Variants in ASIC2 observed in about 807,000 individuals in gnomAD.
The protein encoded by ASIC2 is acid-sensing ion channel 2.
In ASIC2, 25 loss-of-function variants were observed where a neutral mutation model predicts 57.3. The observed-to-expected ratio is 0.44, with a 90% CI of 0.32 to 0.61. ASIC2 has a LOEUF of 0.61. Among genes scored for constraint, ASIC2 ranks in the 20% least tolerant of loss-of-function variants. The pLI, the probability that ASIC2 is intolerant of heterozygous loss-of-function variation, is 0.06. For missense variants in ASIC2, 641 were observed against 738.1 expected (o/e 0.87, Z 1.52); for synonymous variants, 319 against 307.5 (o/e 1.04, Z -0.39).
intron 1 of ASIC2, among the ~76,000 whole-genome samples, chr17:33,719,561 T>C (rs1285608262): frequency 6.6e-6 from 1 of 152,218 alleles, no homozygotes; most frequent in African/African-American, 2.4e-5. Flanking sequence ...GCTAGAAACA[T>C]TGTCATAATA....
At chr17:33,322,533 A>G (rs938866785) in intron 1 of ASIC2, among the ~76,000 whole-genome samples, 3 of 152,218 alleles carry the variant, frequency 2.0e-5, no homozygotes, top group Admixed American at 6.5e-5. Flanking sequence ...TCTGCCTTCA[A>G]TAAACTTAAC....
intron 1 of ASIC2, among the ~76,000 whole-genome samples, chr17:33,648,626 T>C (rs1269988496): frequency 6.6e-6 from 1 of 152,172 alleles, no homozygotes; most frequent in African/African-American, 2.4e-5. Flanking sequence ...AACTCTAGGG[T>C]CTCTATTTGT....
chr17:33,367,604 CA>C (rs1908864625), intron 1 of ASIC2, among the ~76,000 whole-genome samples: 1 of 152,208 alleles, frequency 6.6e-6, no homozygotes, highest in Non-Finnish European at 1.5e-5. Flanking sequence ...CAGGGGTACT[CA>C]CTCTTTTTTT....
At chr17:34,046,577 T>A (rs562686683) in intron 1 of ASIC2, among the ~76,000 whole-genome samples, 9 of 152,306 alleles carry the variant, frequency 5.9e-5, no homozygotes, top group African/African-American at 2.2e-4. Context: ...GTAAGATTTT[T>A]ATCCATAAAT....
At chr17:33,293,540 T>C (rs545207838), upstream of ASIC2, among the ~76,000 whole-genome samples, 14 of 152,150 alleles carry the variant, frequency 9.2e-5, no homozygotes, top group African/African-American at 3.1e-4. Flanking sequence ...GTATAACCAT[T>C]GTGCTGATGT....
At chr17:33,596,343 A>G (rs1904978688) in intron 1 of ASIC2, among the ~76,000 whole-genome samples, 1 of 152,246 alleles carries the variant, frequency 6.6e-6, no homozygotes, top group South Asian at 2.1e-4. Flanking sequence ...ACTCCCAGGA[A>G]AATGATGGTA....
At chr17:33,579,656 G>A (rs1904338512) in intron 1 of ASIC2, among the ~76,000 whole-genome samples, 1 of 151,874 alleles carries the variant, frequency 6.6e-6, no homozygotes, top group Non-Finnish European at 1.5e-5. Context: ...CCTTCTGGTG[G>A]GCTCCTGGTC....
Position 33,737,109 on chromosome 17 carries a change from G to C in ASIC2, c.555+418869C>G, listed in dbSNP as rs533589066. ...TGGTAGACACTGACATTGTTTCCAA[G>C]TTTTTGCTAATACAAAAATGCTGCA... On this transcript the variant is annotated intron_variant, in intron 1 of 9. Transcript: ENST00000359872. Among the ~76,000 whole-genome samples, 7 of 152,342 alleles carry C rather than the reference G, an allele frequency of 4.6e-5. No individual in the cohort carries two copies. In the East Asian group the frequency reaches 1.3e-3, roughly 29 times the overall value.
At chr17:33,861,032 G>A (rs979264629) in intron 1 of ASIC2, among the ~76,000 whole-genome samples, 4 of 152,198 alleles carry the variant, frequency 2.6e-5, no homozygotes, top group Non-Finnish European at 4.4e-5. Flanking sequence ...CTGTCAATAT[G>A]TATCCAGAGT....
intron 1 of ASIC2, among the ~76,000 whole-genome samples, chr17:34,078,554 T>C (rs554725295): frequency 7.2e-5 from 11 of 152,112 alleles, no homozygotes; most frequent in African/African-American, 2.7e-4. Flanking sequence ...CTCCCTTCCC[T>C]AGCACCCCCG....
At position 33,168,403 on chromosome 17, in the gene ASIC2, AGATTCT is replaced by A. The variant is rs533670438; in HGVS notation, c.709-56342_709-56337del. On this transcript the variant is annotated intron_variant, in intron 1 of 9. Coordinates refer to ENST00000225823, the MANE Select transcript of ASIC2 (RefSeq NM_183377.2). ...ATTGCTATAAAAGGAGCAGTAAGGA[AGATTCT>A]GGTGAGGCCCCAGAAGAGAGGAGCT... Among the ~76,000 whole-genome samples, 1,245 of 152,338 alleles carry A rather than the reference AGATTCT, an allele frequency of 8.2e-3. 12 individuals carry two copies. The highest frequency in any genetic ancestry group is 0.012 in the Non-Finnish European group (848 of 68,022).
intron 1 of ASIC2, among the ~76,000 whole-genome samples, chr17:33,436,559 A>G (rs985103579): frequency 3.3e-5 from 5 of 152,008 alleles, no homozygotes; most frequent in Non-Finnish European, 5.9e-5. Context: ...CCACACCCCA[A>G]TGATTTCATC....
intron 1 of ASIC2, among the ~76,000 whole-genome samples, chr17:33,578,961 T>C (rs1202382902): frequency 6.6e-6 from 1 of 152,084 alleles, no homozygotes; most frequent in Non-Finnish European, 1.5e-5. Flanking sequence ...CCTCACCTGG[T>C]CCTAGGGAGC....
intron 1 of ASIC2, among the ~76,000 whole-genome samples, chr17:33,179,577 T>C (rs1446592423): frequency 2.0e-5 from 3 of 152,300 alleles, no homozygotes; most frequent in African/African-American, 4.8e-5. Context: ...GAACAGACTT[T>C]TATTGCATCT....
At chr17:33,943,869 A>G (rs1379961153) in intron 1 of ASIC2, among the ~76,000 whole-genome samples, 1 of 152,066 alleles carries the variant, frequency 6.6e-6, no homozygotes, top group East Asian at 1.9e-4. Context: ...AGAAGCTGAG[A>G]TTCAGGGAGT....
intron 1 of ASIC2, among the ~76,000 whole-genome samples, chr17:34,078,689 GTT>G (rs1414558719): frequency 6.6e-6 from 1 of 152,114 alleles, no homozygotes; most frequent in East Asian, 1.9e-4. Flanking sequence ...CACTTTCTGT[GTT>G]TCTCACCCGT....
chr17:33,244,508 T>C lies in ASIC2; in HGVS notation c.708+46900A>G, dbSNP rs75552389. 9.8e-3 allele frequency among the ~76,000 whole-genome samples: 1,491 copies of C among 152,348 alleles called. 53 individuals are homozygous for C. The East Asian group carries it at 0.12, about 13-fold the overall frequency. On this transcript the variant is annotated intron_variant, in intron 1 of 9. Coordinates refer to ENST00000225823, the MANE Select transcript of ASIC2 (RefSeq NM_183377.2). Reference sequence around the variant, plus strand: ...AGATATAACTTTCATGATTTCTATTTTCCATGCAGATGTTTGACTAAAATG... The same window carrying C: ...AGATATAACTTTCATGATTTCTATTCTCCATGCAGATGTTTGACTAAAATG...
rs138029088 is a variant in ASIC2, at chr17:33,827,433, G to A, written c.555+328545C>T. Reference sequence around the variant, plus strand: ...TGCAAGCTCTGCCTCCCAGGTTCACGCCGTTCTCCTGCCTCAGCCTCCCAA... The same window carrying A: ...TGCAAGCTCTGCCTCCCAGGTTCACACCGTTCTCCTGCCTCAGCCTCCCAA... On this transcript the variant is annotated intron_variant, in intron 1 of 9. Coordinates refer to the ASIC2 transcript ENST00000359872. 8.5e-3 allele frequency among the ~76,000 whole-genome samples: 1,225 copies of A among 144,404 alleles called. 9 individuals are homozygous for A. The highest frequency in any genetic ancestry group is 0.012 in the Non-Finnish European group (791 of 66,714). 94.7% of individuals were successfully genotyped at this position (144,404 alleles called of 152,430 possible).
At chr17:33,216,198 T>C (rs1907481235) in intron 1 of ASIC2, among the ~76,000 whole-genome samples, 1 of 152,210 alleles carries the variant, frequency 6.6e-6, no homozygotes, top group South Asian at 2.1e-4. Flanking sequence ...GTAGTTTCAG[T>C]TTCTCTGTCC....
Sources: gnomAD v4.1 joint callset for allele counts (sites outside exome capture counted in the v4.1 genomes callset) on GRCh38, gnomAD v4.1.1 for gene constraint, MANE v1.5 for transcripts, NCBI Gene and HGNC (gene_info 2026-07-23, HGNC 2026-07-21) for gene names.